Variants in COLEC10 observed in about 807,000 individuals in gnomAD.
The protein encoded by COLEC10 is collectin subfamily member 10.
A neutral mutation model predicts 28.4 loss-of-function variants in COLEC10; 22 were observed. The ratio of observed to expected loss-of-function variants is 0.78; its 90% CI spans 0.55 to 1.11. COLEC10 has a LOEUF of 1.11. COLEC10 is among the 50% of genes least tolerant of loss of function. COLEC10 has a pLI of 0.00. For missense variants in COLEC10, 361 were observed against 344.1 expected (o/e 1.05, Z -0.39); for synonymous variants, 125 against 116.1 (o/e 1.08, Z -0.49).
chr8:118,976,668 C>T, the COLEC10 span: 1 of 152,176 alleles, frequency 6.6e-6, no homozygotes, highest in Non-Finnish European at 1.5e-5. Context: ...CCAGGCATTA[C>T]CATTCAGGAC....
chr8:119,080,185 G>A (rs1264850165), intron 1 of COLEC10, among the ~76,000 whole-genome samples: 6 of 151,996 alleles, frequency 3.9e-5, no homozygotes, highest in Admixed American at 6.6e-5. Context: ...GAAAGACTGC[G>A]TTCAGTGTCT....
chr8:118,958,784 G>C, the COLEC10 span, among the ~76,000 whole-genome samples: 2 of 152,020 alleles, frequency 1.3e-5, no homozygotes, highest in Non-Finnish European at 2.9e-5. Context: ...ATCTTTCCAG[G>C]GTTCTTGACC....
chr8:118,994,621 A>G (rs1813560358), upstream of COLEC10, among the ~76,000 whole-genome samples: 1 of 152,088 alleles, frequency 6.6e-6, no homozygotes, highest in Admixed American at 6.6e-5. Context: ...GAGAGCCATG[A>G]GGAGGCAGAA....
chr8:119,095,106 G>C (rs1563742399), intron 3 of COLEC10, among the ~76,000 whole-genome samples: 1 of 152,120 alleles, frequency 6.6e-6, no homozygotes, highest in Non-Finnish European at 1.5e-5. Context: ...ATAATCTATA[G>C]ATAATCTATT....
Position 119,089,739 on chromosome 8 carries a change from A to C in COLEC10, c.208A>C (p.Met70Leu). The change falls in exon 2 of 6, where the codon ATG (methionine) becomes CTG (leucine). Residue 70 changes from methionine to leucine, a missense_variant. Physicochemically the swap from Met to Leu is conservative, Grantham distance 15. Transcript: ENST00000332843. ...GGGAAAGCATGGCAAAGTGGGACGCATGGGGCCGAAAGGTAACTAAAATGA... is the reference window on the plus strand; with the variant it reads ...GGGAAAGCATGGCAAAGTGGGACGCCTGGGGCCGAAAGGTAACTAAAATGA... ...EEGKHGKVGR[M>L]GPKGIKGELG... is the part of the protein sequence containing the mutation. 1 of 1,613,376 alleles carries C rather than the reference A, an allele frequency of 6.2e-7. No individual in the cohort carries two copies. Among genetic ancestry groups the C allele is most frequent in the Non-Finnish European group, 8.5e-7 (1 of 1,179,414 alleles).
intron 3 of COLEC10, among the ~76,000 whole-genome samples, chr8:119,098,761 G>A (rs566972523): frequency 6.6e-6 from 1 of 151,916 alleles, no homozygotes; most frequent in Admixed American, 6.6e-5. Flanking sequence ...TCCACCATTA[G>A]CTATTAAGAT....
chr8:119,024,696 A>T lies in COLEC10; in HGVS notation n.235+15143A>T, dbSNP rs148100936. On this transcript the variant is annotated intron_variant and non_coding_transcript_variant, in intron 2 of 6. Transcript: ENST00000521788. The stretch of plus-strand genomic sequence containing the variant: ...ATGACATGACATGTCTACTCTTCTT[A>T]TATAATACCCAAGAGGAAGTGCCAT... 3.6e-3 allele frequency among the ~76,000 whole-genome samples: 546 copies of T among 152,188 alleles called. 3 individuals are homozygous for T. Among genetic ancestry groups the T allele is most frequent in the African/African-American group, 0.012 (510 of 41,554 alleles).
At chr8:119,019,917 G>C (rs59314713) in intron 2 of COLEC10, among the ~76,000 whole-genome samples, 1 of 152,080 alleles carries the variant, frequency 6.6e-6, no homozygotes, top group Middle Eastern at 3.2e-3. Flanking sequence ...AAAGTAACAA[G>C]AATTTACTTT....
chr8:119,003,734 A>G (rs1813740613), intron 1 of COLEC10, among the ~76,000 whole-genome samples: 1 of 152,092 alleles, frequency 6.6e-6, no homozygotes, highest in South Asian at 2.1e-4. Context: ...CGCTTAACCC[A>G]TAACCTTATC....
the COLEC10 span, among the ~76,000 whole-genome samples, chr8:118,961,141 G>A: frequency 1.3e-5 from 2 of 152,090 alleles, no homozygotes; most frequent in African/African-American, 4.8e-5. Flanking sequence ...AATGTAGATG[G>A]ACTAAAATAT....
At chr8:119,010,786 C>T (rs977312280) in intron 2 of COLEC10, among the ~76,000 whole-genome samples, 1 of 151,020 alleles carries the variant, frequency 6.6e-6, no homozygotes, top group African/African-American at 2.5e-5. Context: ...TGGTAATTTG[C>T]CATCTGCGCA....
At chr8:118,958,366 C>T in the COLEC10 span, among the ~76,000 whole-genome samples, 8 of 152,330 alleles carry the variant, frequency 5.3e-5, no homozygotes, top group South Asian at 6.2e-4. Flanking sequence ...AGACACACTG[C>T]TTCTGCTGGG....
the COLEC10 span, among the ~76,000 whole-genome samples, chr8:118,974,008 A>T: frequency 6.6e-6 from 1 of 151,838 alleles, no homozygotes; most frequent in Non-Finnish European, 1.5e-5. Flanking sequence ...TTGCACTGTA[A>T]TTCACTCTGC....
At chr8:118,960,809 G>C in the COLEC10 span, among the ~76,000 whole-genome samples, 2,175 of 109,718 alleles carry the variant, frequency 0.02, 54 homozygotes, top group African/African-American at 0.072. Context: ...AAAAAAAAAA[G>C]ATTGTGCTGT....
chr8:118,965,387 A>G, the COLEC10 span, among the ~76,000 whole-genome samples: 2 of 152,058 alleles, frequency 1.3e-5, no homozygotes, highest in African/African-American at 4.8e-5. Context: ...AGTACTTTTT[A>G]CACTTTATTT....
intron 1 of COLEC10, among the ~76,000 whole-genome samples, chr8:119,071,762 A>T (rs1340199072): frequency 3.3e-5 from 5 of 152,124 alleles, no homozygotes; most frequent in Admixed American, 3.3e-4. Flanking sequence ...AGAGCTCCCG[A>T]CACATAGTGG....
chr8:119,105,141 A>G (rs1488413999), intron 5 of COLEC10, among the ~76,000 whole-genome samples: 2 of 152,174 alleles, frequency 1.3e-5, no homozygotes, highest in African/African-American at 4.8e-5. Context: ...ATAAGCATTT[A>G]CCATTCCCAT....
At chr8:118,971,036 C>G in the COLEC10 span, among the ~76,000 whole-genome samples, 52 of 152,090 alleles carry the variant, frequency 3.4e-4, no homozygotes, top group Middle Eastern at 0.014. Flanking sequence ...AGTAAAAACA[C>G]GTGACTTAAG....
the COLEC10 span, among the ~76,000 whole-genome samples, chr8:118,986,511 A>G: frequency 6.6e-6 from 1 of 152,194 alleles, no homozygotes; most frequent in African/African-American, 2.4e-5. Context: ...ATTCAAAGAA[A>G]CAATAAAAAT....
Sources: allele counts gnomAD v4.1 joint callset (sites outside exome capture counted in the v4.1 genomes callset), GRCh38; gene constraint gnomAD v4.1.1; transcripts MANE v1.5; gene names NCBI Gene and HGNC (gene_info 2026-07-23, HGNC 2026-07-21).